AK7: variants seen among roughly 807,000 people sequenced by gnomAD.
AK7 encodes ATP-AMP transphosphorylase 7.
AK7 carries 78 observed loss-of-function variants against 96.6 expected under a neutral mutation model. The observed-to-expected ratio is 0.81, with a 90% confidence interval of 0.67 to 0.97. The LOEUF is 0.97. AK7 is among the 50% of genes least tolerant of loss of function. The pLI is 0.00. For synonymous variants in AK7, 302 were observed against 317.2 expected (o/e 0.95, Z 0.51); for missense variants, 855 against 887.9 (o/e 0.96, Z 0.47).
chr14:96,458,346 A>G, intron 12 of AK7, 134 bp downstream of exon 12: 2 of 1,213,210 alleles, frequency 1.6e-6, no homozygotes, highest in Non-Finnish European at 1.1e-6. Flanking sequence ...CTGTAATCCC[A>G]GCACTTTGGG....
chr14:96,417,994 A>G (rs1251819446), intron 4 of AK7, among the ~76,000 whole-genome samples: 1 of 152,112 alleles, frequency 6.6e-6, no homozygotes, highest in African/African-American at 2.4e-5. Flanking sequence ...TAAATTAAAT[A>G]TGAAATTCAG....
intron 9 of AK7, among the ~76,000 whole-genome samples, chr14:96,450,630 CT>C (rs1566792535): frequency 6.6e-6 from 1 of 151,056 alleles, no homozygotes; most frequent in African/African-American, 2.4e-5. Flanking sequence ...GAATGCAATT[CT>C]TTTTAAGAAT....
intron 5 of AK7, among the ~76,000 whole-genome samples, chr14:96,425,223 T>G (rs1891954464): frequency 6.6e-6 from 1 of 152,172 alleles, no homozygotes; most frequent in Non-Finnish European, 1.5e-5. Context: ...CCAGGCACTG[T>G]GATGAGGAGC....
At chr14:96,473,271 C>T (rs913438168) in intron 14 of AK7, among the ~76,000 whole-genome samples, 7 of 150,694 alleles carry the variant, frequency 4.6e-5, no homozygotes, top group South Asian at 2.1e-4. Flanking sequence ...CCCGGGTTCA[C>T]GCCATTCTCC....
chr14:96,407,360 T>G (rs1364012806), intron 3 of AK7, among the ~76,000 whole-genome samples: 4 of 152,196 alleles, frequency 2.6e-5, no homozygotes, highest in Non-Finnish European at 4.4e-5. Flanking sequence ...GAATAATACG[T>G]GATCATAGTG....
intron 15 of AK7, among the ~76,000 whole-genome samples, chr14:96,480,555 A>T (rs1208982250): frequency 6.6e-6 from 1 of 152,146 alleles, no homozygotes; most frequent in African/African-American, 2.4e-5. Context: ...CATGCTTTAT[A>T]TGTAAAAGCT....
At chr14:96,482,905 T>C (rs1895575214) in intron 15 of AK7, 94 bp from the exon 16 acceptor site, 1 of 1,223,434 alleles carries the variant, frequency 8.2e-7, no homozygotes, top group African/African-American at 1.5e-5. Flanking sequence ...TTTACATAAT[T>C]GACTATCGCA....
At chr14:96,428,616 C>T (rs893205262) in intron 5 of AK7, among the ~76,000 whole-genome samples, 1 of 152,196 alleles carries the variant, frequency 6.6e-6, no homozygotes, top group African/African-American at 2.4e-5. Context: ...CACATCCTCT[C>T]CAGCACCGTT....
chr14:96,455,238 G>A (rs8015667), intron 10 of AK7, among the ~76,000 whole-genome samples: 14 of 152,042 alleles, frequency 9.2e-5, no homozygotes, highest in Middle Eastern at 3.4e-3. Flanking sequence ...TTATCCCAAC[G>A]CTTTGGGAGG....
At chr14:96,467,468 T>C (rs1456161794) in intron 12 of AK7, among the ~76,000 whole-genome samples, 1 of 152,106 alleles carries the variant, frequency 6.6e-6, no homozygotes, top group Non-Finnish European at 1.5e-5. Flanking sequence ...CCCGAGTCGC[T>C]GGGACTACAG....
intron 10 of AK7, among the ~76,000 whole-genome samples, chr14:96,452,329 T>C (rs913957044): frequency 6.6e-6 from 1 of 152,098 alleles, no homozygotes; most frequent in African/African-American, 2.4e-5. Flanking sequence ...AGCAACCTTT[T>C]TTTTTTTTAT....
chr14:96,463,055 T>C (rs914102775), intron 12 of AK7, among the ~76,000 whole-genome samples: 3 of 152,000 alleles, frequency 2.0e-5, no homozygotes, highest in African/African-American at 7.2e-5. Context: ...GAGAATCGCT[T>C]GAACCCTAGA....
At position 96,423,614 on chromosome 14, in the gene AK7, G is replaced by T. The variant is rs1361283533; in HGVS notation, c.609+2682G>T. On this transcript the variant is annotated intron_variant, in intron 5 of 17. Transcript: ENST00000267584. ...TGTCCAAAGGGGAGTGGGAAGAGGAGAAAGCTATGGTACATGCAGCACTGA... is the reference window on the plus strand; with the variant it reads ...TGTCCAAAGGGGAGTGGGAAGAGGATAAAGCTATGGTACATGCAGCACTGA... The T allele has an allele frequency of 7.5e-6, 4 of 534,684 alleles. No individual in the cohort carries two copies. The African/African-American group carries it at 7.5e-5, about 10-fold the overall frequency. 33.1% of individuals were successfully genotyped at this position (534,684 alleles called of 1,614,324 possible).
At chr14:96,461,364 G>A (rs183480676) in intron 12 of AK7, among the ~76,000 whole-genome samples, 100 of 152,286 alleles carry the variant, frequency 6.6e-4, no homozygotes, top group Non-Finnish European at 1.2e-3. Context: ...ATTCCATTGT[G>A]AGGACATCTG....
chr14:96,474,373 T>C (rs941005125), intron 14 of AK7, among the ~76,000 whole-genome samples: 1 of 148,234 alleles, frequency 6.7e-6, no homozygotes, highest in African/African-American at 2.5e-5. Context: ...CTTTGGAAGG[T>C]CAAGGTGGGA....
intron 16 of AK7, among the ~76,000 whole-genome samples, chr14:96,485,019 T>G (rs1895696115): frequency 6.6e-6 from 1 of 152,230 alleles, no homozygotes; most frequent in African/African-American, 2.4e-5. Context: ...TTCCTAAAGT[T>G]TGCTGGGTCA....
chr14:96,452,654 T>G (rs1893673453), intron 10 of AK7, among the ~76,000 whole-genome samples: 1 of 150,952 alleles, frequency 6.6e-6, no homozygotes. Flanking sequence ...TCTTTCTTTC[T>G]TTCTTTTCTT....
rs1005030624 is a variant in AK7 at position 96,416,287 on chromosome 14, C to T, written c.499-4535C>T. On this transcript the variant is annotated intron_variant, in intron 4 of 17. Transcript: ENST00000267584. The stretch of plus-strand genomic sequence containing the variant: ...CTTTAATCCCAGATACTCAGGAGGC[C>T]GAGGCAGGAGAATTGCTTGAAGCCA... Among the ~76,000 whole-genome samples the T allele has an allele frequency of 3.3e-5, 5 of 151,448 alleles. No individual in the cohort carries two copies. The South Asian group carries it at 6.3e-4, about 19-fold the overall frequency.
At chr14:96,449,936 T>C (rs1291355332) in intron 9 of AK7, 57 bp downstream of exon 9, 3 of 1,303,618 alleles carry the variant, frequency 2.3e-6, no homozygotes, top group Non-Finnish European at 3.2e-6. Flanking sequence ...ATATGGAGTA[T>C]TGTTATTTTT....
Sources: allele counts gnomAD v4.1 joint callset (sites outside exome capture counted in the v4.1 genomes callset), GRCh38; gene constraint gnomAD v4.1.1; transcripts MANE v1.5; gene names NCBI Gene and HGNC (gene_info 2026-07-23, HGNC 2026-07-21).